Variants in CCDC148 observed in about 807,000 individuals in gnomAD.
CCDC148 encodes coiled-coil domain containing 148, also known as coiled-coil domain-containing protein 148.
In CCDC148, 89 loss-of-function variants were observed where a neutral mutation model predicts 85.7. The observed-to-expected ratio is 1.04, with a 90% CI of 0.87 to 1.24. The LOEUF is 1.24. Among genes scored for constraint, CCDC148 ranks in the 50% most tolerant of loss-of-function variants. The pLI is 0.00. For synonymous variants in CCDC148, 230 were observed against 213.9 expected, an observed-to-expected ratio of 1.08 and a Z score of -0.66; for missense variants, 692 against 671.7, an observed-to-expected ratio of 1.03 and a Z score of -0.33.
intron 7 of CCDC148, among the ~76,000 whole-genome samples, chr2:158,318,282 C>T (rs941297636): frequency 1.3e-5 from 2 of 152,162 alleles, no homozygotes; most frequent in Admixed American, 6.5e-5. Flanking sequence ...GAGATCCATT[C>T]CCACCTCCAC....
chr2:158,349,800 G>A (rs927953988), intron 2 of CCDC148, among the ~76,000 whole-genome samples: 1 of 152,038 alleles, frequency 6.6e-6, no homozygotes, highest in Non-Finnish European at 1.5e-5. Context: ...GTTAGAAAAT[G>A]ATGAAGTACC....
intron 9 of CCDC148, among the ~76,000 whole-genome samples, chr2:158,264,066 G>T (rs1438925546): frequency 6.6e-6 from 1 of 151,552 alleles, no homozygotes; most frequent in Admixed American, 6.6e-5. Context: ...AGTAACCACT[G>T]TAACTTTTTT....
chr2:158,285,538 T>TC (rs1243020268), intron 9 of CCDC148, among the ~76,000 whole-genome samples: 1 of 151,764 alleles, frequency 6.6e-6, no homozygotes, highest in East Asian at 1.9e-4. Context: ...TAACTACTTT[T>TC]TTTTTTTTTT....
At chr2:158,302,620 C>T (rs1352290187) in intron 9 of CCDC148, among the ~76,000 whole-genome samples, 2 of 152,040 alleles carry the variant, frequency 1.3e-5, no homozygotes, top group South Asian at 4.1e-4. Context: ...GCTGCCTCTA[C>T]TAAAAATACA....
intron 1 of CCDC148, among the ~76,000 whole-genome samples, chr2:158,375,398 C>T (rs1432952756): frequency 1.3e-5 from 2 of 152,054 alleles, no homozygotes; most frequent in African/African-American, 4.8e-5. Flanking sequence ...GATTAATGGT[C>T]ACAAATGCAT....
chr2:158,183,929 G>T (rs1685029401), intron 11 of CCDC148, among the ~76,000 whole-genome samples: 1 of 152,112 alleles, frequency 6.6e-6, no homozygotes. Flanking sequence ...TTAACTACAG[G>T]TCACCCCAAC....
chr2:158,253,835 C>T (rs1307655345), intron 9 of CCDC148, among the ~76,000 whole-genome samples: 2 of 151,630 alleles, frequency 1.3e-5, no homozygotes, highest in East Asian at 1.9e-4. Flanking sequence ...TGGAAACAAA[C>T]ATATGGAATA....
chr2:158,204,355 C>A (rs1558979346), intron 11 of CCDC148, among the ~76,000 whole-genome samples: 1 of 152,032 alleles, frequency 6.6e-6, no homozygotes, highest in Non-Finnish European at 1.5e-5. Context: ...TCTTGATGGG[C>A]CTTATAATTA....
chr2:158,172,225 G>A lies in CCDC148; in HGVS notation c.1664C>T (p.Ala555Val). 1 of 1,607,452 alleles carries A rather than the reference G, an allele frequency of 6.2e-7. No homozygotes were observed. Among genetic ancestry groups the A allele is most frequent in the African/African-American group, 1.3e-5 (1 of 74,736 alleles). ...TCTATGAAGTCCAGCTTCTCGAAGT[G>A]CTAACTCGAAGCGAAGTCTAGGGTC... ...ISDPRLRFEL[A>V]LREAGLHRTL... The change falls in exon 14 of 14, where the codon GCA becomes GTA. Residue 555 changes from alanine (A) to valine (V), a missense_variant. Transcript: ENST00000283233.
intron 9 of CCDC148, among the ~76,000 whole-genome samples, chr2:158,274,035 A>G (rs1249718553): frequency 6.6e-6 from 1 of 152,318 alleles, no homozygotes; most frequent in Non-Finnish European, 1.5e-5. Context: ...AGTTACTCCA[A>G]CATATAGATG....
chr2:158,406,099 C>G (rs1685985893), intron 1 of CCDC148, among the ~76,000 whole-genome samples: 1 of 152,058 alleles, frequency 6.6e-6, no homozygotes, highest in African/African-American at 2.4e-5. Flanking sequence ...ATCTCCCCAC[C>G]TGCATCTCTC....
intron 3 of CCDC148, among the ~76,000 whole-genome samples, chr2:158,343,858 T>A (rs1682862767): frequency 6.6e-6 from 1 of 152,284 alleles, no homozygotes; most frequent in South Asian, 2.1e-4. Context: ...TTTGTCCAAT[T>A]TTCAGCCCTT....
intron 1 of CCDC148, chr2:158,447,142 T>C (rs889035344): frequency 2.0e-5 from 3 of 152,210 alleles, no homozygotes; most frequent in Admixed American, 6.5e-5. Flanking sequence ...TTTATATTTA[T>C]ATATATGACT....
At chr2:158,179,323 T>G (rs1684765405) in intron 11 of CCDC148, among the ~76,000 whole-genome samples, 2 of 151,956 alleles carry the variant, frequency 1.3e-5, no homozygotes, top group South Asian at 4.2e-4. Context: ...CATGCCCAGC[T>G]AATTTTTGTA....
At chr2:158,340,509 G>A in intron 4 of CCDC148, 89 bp downstream of exon 4, 1 of 1,401,264 alleles carries the variant, frequency 7.1e-7, no homozygotes, top group Non-Finnish European at 9.8e-7. Flanking sequence ...ACAAATGGCA[G>A]TTAATATTAA....
intron 10 of CCDC148, among the ~76,000 whole-genome samples, chr2:158,228,797 C>G (rs10179496): frequency 0.69 from 88,831 of 129,666 alleles, 30,254 homozygotes; most frequent in East Asian, 0.9. Flanking sequence ...ATCACACACC[C>G]GGGCCTGTTG....
At chr2:158,430,805 A>G (rs1385972800) in intron 1 of CCDC148, among the ~76,000 whole-genome samples, 1 of 152,174 alleles carries the variant, frequency 6.6e-6, no homozygotes, top group East Asian at 1.9e-4. Context: ...TGATAGAATT[A>G]GTATGAAAGA....
chr2:158,387,267 C>A (rs1422523879), intron 1 of CCDC148, among the ~76,000 whole-genome samples: 2 of 142,022 alleles, frequency 1.4e-5, no homozygotes, highest in Non-Finnish European at 3.0e-5. Flanking sequence ...CTAGAAAACA[C>A]AGGCCCACAC....
At chr2:158,417,914 A>C (rs1369606253) in intron 1 of CCDC148, among the ~76,000 whole-genome samples, 1 of 152,226 alleles carries the variant, frequency 6.6e-6, no homozygotes, top group Non-Finnish European at 1.5e-5. Context: ...TACTAAGCCA[A>C]TTTTTGCATC....
Sources: gnomAD v4.1 joint callset for allele counts (sites outside exome capture counted in the v4.1 genomes callset) on GRCh38, gnomAD v4.1.1 for gene constraint, MANE v1.5 for transcripts, NCBI Gene and HGNC (gene_info 2026-07-23, HGNC 2026-07-21) for gene names.